POLN: variants seen among roughly 807,000 people sequenced by gnomAD.
POLN encodes DNA polymerase nu, also known as DNA polymerase N.
In POLN, 108 loss-of-function variants were observed where a neutral mutation model predicts 113.5. That is an observed-to-expected ratio of 0.95 (90% CI 0.81 to 1.12). The LOEUF (loss-of-function observed/expected upper bound fraction) is 1.12. Ranked by LOEUF, POLN falls within the 50% of genes most tolerant of loss-of-function variation. The pLI, the probability that POLN is intolerant of heterozygous loss-of-function variation, is 0.00. For missense variants in POLN, 1,097 were observed against 1,077.1 expected, an observed-to-expected ratio of 1.02 and a Z score of -0.26; for synonymous variants, 386 against 391.5, an observed-to-expected ratio of 0.99 and a Z score of 0.17.
chr4:2,227,319 C>G (rs1734423215), intron 3 of POLN: 1 of 152,154 alleles, frequency 6.6e-6, no homozygotes, highest in Admixed American at 6.5e-5. Flanking sequence ...CTGTCAACAA[C>G]CATGTGAGCT....
Position 2,208,343 on chromosome 4 carries a change from G to A in POLN, c.358C>T (p.Pro120Ser), listed in dbSNP as rs560730181. The A allele has an allele frequency of 1.7e-4, 272 of 1,613,260 alleles. 2 individuals carry two copies. The South Asian group carries it at 2.7e-3, about 16-fold the overall frequency. Residue 120 changes from proline (P) to serine (S), a missense_variant, in exon 5 of 26, where the codon CCA (proline) becomes TCA (serine). Coordinates refer to ENST00000511885, the MANE Select transcript of POLN (RefSeq NM_181808.4). Reference protein sequence around the residue: ...SSLTLSSCLIPQYNQEASVLQ... With the variant: ...SSLTLSSCLISQYNQEASVLQ... ...ACTGAAGCCTCTTGATTATACTGTG[G>A]AATTAAACAACTTGAAAGAGTCAAT...
At chr4:2,214,525 A>G (rs1200598813) in intron 3 of POLN, among the ~76,000 whole-genome samples, 1 of 152,210 alleles carries the variant, frequency 6.6e-6, no homozygotes, top group Non-Finnish European at 1.5e-5. Context: ...CAGAAAAATG[A>G]GCAAAGAATA....
intron 3 of POLN, among the ~76,000 whole-genome samples, chr4:2,222,154 A>AT (rs939177655): frequency 7.3e-5 from 11 of 150,520 alleles, no homozygotes; most frequent in African/African-American, 1.2e-4. Flanking sequence ...GATACTCAAG[A>AT]TTTTTTTTTT....
intron 3 of POLN, among the ~76,000 whole-genome samples, chr4:2,220,142 C>T (rs551411343): frequency 9.2e-5 from 14 of 152,310 alleles, no homozygotes; most frequent in Admixed American, 3.9e-4. Flanking sequence ...TTGCACCCCA[C>T]GCCCTACAGA....
intron 20 of POLN, among the ~76,000 whole-genome samples, chr4:2,088,373 A>C (rs1730595980): frequency 6.6e-6 from 1 of 152,234 alleles, no homozygotes; most frequent in African/African-American, 2.4e-5. Context: ...ACAAAGCACA[A>C]AAATATCTCA....
intron 23 of POLN, chr4:2,078,562 TGCCTCCCAGTGATC>T: frequency 1.0e-6 from 1 of 983,430 alleles, no homozygotes; most frequent in Non-Finnish European, 1.2e-6. Flanking sequence ...GGGCACCGTG[TGCCTCCCAGTGATC>T]GAGTTTCATG....
At chr4:2,134,047 A>G (rs1380496847) in intron 16 of POLN, among the ~76,000 whole-genome samples, 3 of 152,192 alleles carry the variant, frequency 2.0e-5, no homozygotes, top group African/African-American at 7.2e-5. Flanking sequence ...GAAACCACTC[A>G]TCTGTTTACT....
At chr4:2,180,436 G>C (rs2108751234) in intron 7 of POLN, among the ~76,000 whole-genome samples, 1 of 152,234 alleles carries the variant, frequency 6.6e-6, no homozygotes, top group South Asian at 2.1e-4. Context: ...TATAGTCTTA[G>C]ATCATATCAC....
intron 8 of POLN, among the ~76,000 whole-genome samples, chr4:2,176,993 G>C (rs923456346): frequency 6.6e-6 from 1 of 152,142 alleles, no homozygotes; most frequent in African/African-American, 2.4e-5. Flanking sequence ...CCTGAGATTA[G>C]AGTGAACATC....
Position 2,105,038 on chromosome 4 carries a change from A to G in POLN, c.1983-9105T>C, listed in dbSNP as rs34387103. ...TTGAGATCTGCCCCCCACCATCCCA[A>G]CTGAGCCCCAGTCTCAACAACCTAT... On this transcript the variant is annotated intron_variant, in intron 19 of 25. Coordinates refer to ENST00000511885, the MANE Select transcript of POLN (RefSeq NM_181808.4). Among the ~76,000 whole-genome samples the G allele has an allele frequency of 1.3e-3, 196 of 152,164 alleles. 3 individuals are homozygous for G. The East Asian group carries it at 0.032, about 25-fold the overall frequency.
chr4:2,239,155 A>G (rs1441074834), intron 2 of POLN: 2 of 544,408 alleles, frequency 3.7e-6, no homozygotes, highest in Non-Finnish European at 6.1e-6. Flanking sequence ...CAATGAATGA[A>G]AACTAATTTA....
chr4:2,189,510 G>A (rs1306350784), intron 7 of POLN, among the ~76,000 whole-genome samples: 2 of 150,998 alleles, frequency 1.3e-5, no homozygotes, highest in African/African-American at 2.4e-5. Context: ...ATGGTGGCGG[G>A]CGCCTGTAGT....
chr4:2,121,450 A>T (rs56032649), intron 19 of POLN, among the ~76,000 whole-genome samples: 97,917 of 119,972 alleles, frequency 0.82, 40,130 homozygotes, highest in Non-Finnish European at 0.87. Context: ...AAAAAAAAAA[A>T]AAATATATAT....
At chr4:2,088,728 C>CTT in intron 20 of POLN, 9 of 1,157,614 alleles carry the variant, frequency 7.8e-6, no homozygotes, top group South Asian at 2.0e-5. Flanking sequence ...CTAGTAAATG[C>CTT]TTTTTTTTTA....
intron 2 of POLN, among the ~76,000 whole-genome samples, chr4:2,233,897 GC>G (rs2108776768): frequency 6.7e-6 from 1 of 150,136 alleles, no homozygotes; most frequent in Admixed American, 6.6e-5. Context: ...CCTTTAAAAA[GC>G]AATCTGGCCA....
At chr4:2,120,402 C>T (rs1319720659) in intron 19 of POLN, among the ~76,000 whole-genome samples, 3 of 151,314 alleles carry the variant, frequency 2.0e-5, no homozygotes, top group Admixed American at 1.3e-4. Context: ...CTCTTGAATT[C>T]TTTGATTCCT....
intron 19 of POLN, among the ~76,000 whole-genome samples, chr4:2,098,450 G>A (rs760561428): frequency 2.1e-4 from 32 of 152,098 alleles, no homozygotes; most frequent in Admixed American, 1.7e-3. Context: ...CATTTTTGTA[G>A]ACTATTTTAT....
chr4:2,187,324 A>G (rs577225631), intron 7 of POLN, among the ~76,000 whole-genome samples: 3 of 152,224 alleles, frequency 2.0e-5, no homozygotes, highest in Admixed American at 2.0e-4. Flanking sequence ...GCTCATTGCA[A>G]CCTCTGCCTC....
At position 2,156,853 on chromosome 4, in the gene POLN, C is replaced by G. The variant is rs867820214; in HGVS notation, c.1666G>C (p.Gly556Arg). 2 of 1,609,884 alleles carry G rather than the reference C, an allele frequency of 1.2e-6. No individual in the cohort carries two copies. Among genetic ancestry groups the G allele is most frequent in the Middle Eastern group, 3.3e-4 (2 of 6,058 alleles). Residue 556 changes from glycine (G) to arginine (R), a missense_variant and splice_region_variant, in exon 16 of 26, where the codon GGC becomes CGC. Coordinates refer to ENST00000511885, the MANE Select transcript of POLN (RefSeq NM_181808.4). Reference protein sequence around the residue: ...VDGLLACMKKGSISSTWNQTG... With the variant: ...VDGLLACMKKRSISSTWNQTG... ...TGATTCCATGTAGAGGAAATGGAGC[C>G]CTTTATTAGTTAAAAAGAATCAGTG...
Sources: gnomAD v4.1 joint callset for allele counts (sites outside exome capture counted in the v4.1 genomes callset) on GRCh38, gnomAD v4.1.1 for gene constraint, MANE v1.5 for transcripts, NCBI Gene and HGNC (gene_info 2026-07-23, HGNC 2026-07-21) for gene names.